The following TRIM36 variants were observed in gnomAD, a reference collection of about 807,000 sequenced individuals.
The protein encoded by TRIM36 is E3 ubiquitin-protein ligase TRIM36.
TRIM36 carries 42 observed loss-of-function variants against 72.4 expected under a neutral mutation model. The observed-to-expected ratio is 0.58, with a 90% CI of 0.45 to 0.75. TRIM36 has a LOEUF of 0.75. Among genes scored for constraint, TRIM36 ranks in the 30% least tolerant of loss-of-function variants. TRIM36 has a pLI of 0.00. For synonymous variants in TRIM36, 315 were observed against 282.8 expected (o/e 1.11, Z -1.14); for missense variants, 913 against 857.1 (o/e 1.07, Z -0.81).
intron 2 of TRIM36, among the ~76,000 whole-genome samples, chr5:115,159,430 C>G (rs1489657070): frequency 6.6e-6 from 1 of 152,132 alleles, no homozygotes; most frequent in Non-Finnish European, 1.5e-5. Flanking sequence ...AAAATGCAAG[C>G]ACCAATAATC....
intron 2 of TRIM36, among the ~76,000 whole-genome samples, chr5:115,162,618 A>G (rs530524154): frequency 1.3e-5 from 2 of 152,304 alleles, no homozygotes; most frequent in Non-Finnish European, 2.9e-5. Flanking sequence ...CTAAAATTTT[A>G]TTTGTTTTTG....
chr5:115,167,985 G>C (rs1754882240), intron 1 of TRIM36, among the ~76,000 whole-genome samples: 1 of 152,192 alleles, frequency 6.6e-6, no homozygotes, highest in Non-Finnish European at 1.5e-5. Context: ...ATGGCAGCAG[G>C]CGAGAGGGAG....
In TRIM36 at chr5:115,126,047, A is replaced by C. The variant is rs1224013018; in HGVS notation, c.*456T>G. The C allele has an allele frequency of 6.5e-6, 1 of 154,066 alleles. No individual in the cohort carries two copies. Among genetic ancestry groups the C allele is most frequent in the East Asian group, 1.9e-4 (1 of 5,242 alleles). 9.5% of individuals were successfully genotyped at this position (154,066 alleles called of 1,614,324 possible). ...AACTTTGTTTTCCTATTGAAAACAA[A>C]TGCAAGACACATTGCTTAGTACTAA... On this transcript the variant is annotated 3_prime_UTR_variant, in exon 10 of 10. Coordinates refer to ENST00000513154, the MANE Select transcript of TRIM36 (RefSeq NM_001300759.2).
At chr5:115,165,162 T>C (rs940622885) in intron 1 of TRIM36, among the ~76,000 whole-genome samples, 1 of 152,138 alleles carries the variant, frequency 6.6e-6, no homozygotes, top group African/African-American at 2.4e-5. Context: ...TGGCATTGAG[T>C]ATCTGCAGGT....
intron 7 of TRIM36, among the ~76,000 whole-genome samples, chr5:115,135,279 C>T (rs773532561): frequency 5.3e-5 from 8 of 152,178 alleles, no homozygotes; most frequent in Non-Finnish European, 1.2e-4. Flanking sequence ...AAGCAGAAGT[C>T]TCTTTCCTCT....
rs556730257 is a variant in TRIM36, at chr5:115,147,159, G to A, written c.498C>T (p.Tyr166=). Residue 166 remains tyrosine (Y), a synonymous_variant, in exon 3 of 10, where the codon TAC becomes TAT. Coordinates refer to ENST00000513154, the MANE Select transcript of TRIM36 (RefSeq NM_001300759.2). Reference sequence around the variant, plus strand: ...GATGAATTTTGAAGCATTCATTGCAGTAACTTGCACTACAGTCCATGCAGC... The same window carrying A: ...GATGAATTTTGAAGCATTCATTGCAATAACTTGCACTACAGTCCATGCAGC... ...TKSCMDCSAS[Y]CNECFKIHHP... is the part of the protein sequence containing the mutation. The A allele has an allele frequency of 1.9e-6, 3 of 1,614,216 alleles. No individual in the cohort carries two copies. The highest frequency in any genetic ancestry group is 2.2e-5 in the South Asian group (2 of 91,086).
chr5:115,158,862 G>A (rs142383117), intron 2 of TRIM36, among the ~76,000 whole-genome samples: 83 of 152,232 alleles, frequency 5.5e-4, no homozygotes, highest in East Asian at 2.5e-3. Flanking sequence ...AGAATTACAC[G>A]TGGCTTCTAA....
intron 2 of TRIM36, 64 bp downstream of exon 2, chr5:115,163,454 C>A: frequency 7.3e-7 from 1 of 1,375,704 alleles, no homozygotes; most frequent in Non-Finnish European, 1.0e-6. Flanking sequence ...CTTCCAGTTA[C>A]CACTGAATAT....
At chr5:115,169,276 G>T (rs1273505826) in intron 1 of TRIM36, among the ~76,000 whole-genome samples, 4 of 152,224 alleles carry the variant, frequency 2.6e-5, no homozygotes, top group Non-Finnish European at 5.9e-5. Flanking sequence ...GCCCGCACCC[G>T]ACTCCCAAAC....
intron 2 of TRIM36, among the ~76,000 whole-genome samples, chr5:115,157,234 C>G (rs10052106): frequency 1.3e-3 from 204 of 151,786 alleles, no homozygotes; most frequent in African/African-American, 4.8e-3. Context: ...ACTAGTACAG[C>G]CACTACAGAA....
chr5:115,153,298 T>C (rs1260310337), intron 2 of TRIM36, among the ~76,000 whole-genome samples: 1 of 151,968 alleles, frequency 6.6e-6, no homozygotes, highest in Admixed American at 6.6e-5. Context: ...AAGAAGGACA[T>C]TAAATAATGA....
intron 1 of TRIM36, 83 bp from the exon 2 acceptor site, chr5:115,163,835 G>T: frequency 9.6e-7 from 1 of 1,045,772 alleles, no homozygotes. Flanking sequence ...AAGTACATGT[G>T]TTTATTTTTC....
intron 2 of TRIM36, among the ~76,000 whole-genome samples, chr5:115,156,098 C>T (rs1355231109): frequency 1.3e-5 from 2 of 151,924 alleles, no homozygotes; most frequent in African/African-American, 4.8e-5. Flanking sequence ...TAGGAATATA[C>T]TCAACCAAGG....
upstream of TRIM36, among the ~76,000 whole-genome samples, chr5:115,174,713 T>C (rs1040584491): frequency 2.6e-5 from 4 of 152,198 alleles, no homozygotes; most frequent in African/African-American, 4.8e-5. Context: ...TCTGAATTCT[T>C]TTAGCACTCA....
chr5:115,152,568 C>T (rs1033840912), intron 2 of TRIM36, among the ~76,000 whole-genome samples: 2 of 152,262 alleles, frequency 1.3e-5, no homozygotes, highest in East Asian at 1.9e-4. Context: ...GGAACACTGT[C>T]GTCAGGTTAC....
intron 2 of TRIM36, among the ~76,000 whole-genome samples, chr5:115,160,442 T>C (rs1754423202): frequency 6.6e-6 from 1 of 152,222 alleles, no homozygotes. Flanking sequence ...TCACAGCATA[T>C]CTCAATTCAG....
At chr5:115,169,474 A>C in intron 1 of TRIM36, 134 bp downstream of exon 1, 2 of 973,494 alleles carry the variant, frequency 2.1e-6, no homozygotes, top group Non-Finnish European at 1.4e-6. Flanking sequence ...GGCGAAGAGG[A>C]AGCGGGATCC....
At chr5:115,166,752 C>T (rs1292400991) in intron 1 of TRIM36, among the ~76,000 whole-genome samples, 1 of 152,202 alleles carries the variant, frequency 6.6e-6, no homozygotes, top group African/African-American at 2.4e-5. Flanking sequence ...TAGGAGCTCC[C>T]CAAGCCAGGG....
intron 9 of TRIM36, 103 bp downstream of exon 9, chr5:115,130,489 T>C (rs546002479): frequency 7.5e-7 from 1 of 1,325,848 alleles, no homozygotes; most frequent in East Asian, 2.4e-5. Flanking sequence ...AATACTAGAA[T>C]CTAAGAAATA....
Sources: gnomAD v4.1 joint callset for allele counts (sites outside exome capture counted in the v4.1 genomes callset) on GRCh38, gnomAD v4.1.1 for gene constraint, MANE v1.5 for transcripts, NCBI Gene and HGNC (gene_info 2026-07-23, HGNC 2026-07-21) for gene names.